CSMD1: variants seen among roughly 807,000 people sequenced by gnomAD.
The protein encoded by CSMD1 is CUB and Sushi multiple domains 1, also known as CUB and sushi domain-containing protein 1.
Under a neutral mutation model 417.5 loss-of-function variants are expected in CSMD1, and 213 were observed. The ratio of observed to expected loss-of-function variants is 0.51; its 90% CI spans 0.46 to 0.57. The LOEUF (loss-of-function observed/expected upper bound fraction) is 0.57, where lower values mean the gene tolerates loss of function less well. Ranked by LOEUF, CSMD1 falls within the 20% of genes least tolerant of loss-of-function variation. The pLI, the probability that CSMD1 is intolerant of heterozygous loss-of-function variation, is 0.00. For missense variants in CSMD1, 6,923 were observed against 4,529.7 expected (o/e 1.53, Z -15.17); for synonymous variants, 2,862 against 1,736.8 (o/e 1.65, Z -16.11).
chr8:4,382,110 T>A (rs1051586677), intron 3 of CSMD1, among the ~76,000 whole-genome samples: 1 of 152,182 alleles, frequency 6.6e-6, no homozygotes, highest in Non-Finnish European at 1.5e-5. Flanking sequence ...GTAATTAATA[T>A]AGAATGCACT....
intron 26 of CSMD1, among the ~76,000 whole-genome samples, chr8:3,271,319 A>C (rs948072964): frequency 1.3e-5 from 2 of 151,878 alleles, no homozygotes; most frequent in African/African-American, 4.8e-5. Flanking sequence ...TTCTTAATCC[A>C]GTCTATCATT....
At chr8:3,402,265 T>G (rs1490484953) in intron 15 of CSMD1, among the ~76,000 whole-genome samples, 1 of 152,184 alleles carries the variant, frequency 6.6e-6, no homozygotes, top group African/African-American at 2.4e-5. Context: ...TAATCTTTTT[T>G]TTCAATTCTT....
chr8:4,125,113 C>A (rs1259339671), intron 3 of CSMD1, among the ~76,000 whole-genome samples: 1 of 45,746 alleles, frequency 2.2e-5, no homozygotes, highest in African/African-American at 7.4e-5. Flanking sequence ...ACCAGGAACA[C>A]TTCCATCGAG....
At position 3,369,382 on chromosome 8, in the gene CSMD1, A is replaced by G; in HGVS notation, c.2783-12T>C. ...GCCTCCACATAGAGCTTAAAATAAT[A>G]AAGAGAGATGATTACAGCACTAAAG... On this transcript the variant is annotated splice_polypyrimidine_tract_variant and intron_variant, in intron 18 of 69. Coordinates refer to ENST00000635120, the MANE Select transcript of CSMD1 (RefSeq NM_033225.6). 3 of 1,297,494 alleles carry G rather than the reference A, an allele frequency of 2.3e-6. No individual in the cohort carries two copies. Among genetic ancestry groups the G allele is most frequent in the South Asian group, 2.4e-5 (2 of 81,792 alleles). 80.4% of individuals were successfully genotyped at this position (1,297,494 alleles called of 1,614,324 possible). A position where few individuals can be genotyped will look rare whatever the true frequency, so the allele number is the denominator to read the frequency against.
intron 3 of CSMD1, among the ~76,000 whole-genome samples, chr8:4,076,642 T>G (rs1001075003): frequency 2.6e-5 from 4 of 152,204 alleles, no homozygotes; most frequent in African/African-American, 9.6e-5. Context: ...TTATAAGGAT[T>G]ATTCTCTAAC....
chr8:3,212,103 G>A (rs1003334230), intron 30 of CSMD1, among the ~76,000 whole-genome samples: 1 of 152,138 alleles, frequency 6.6e-6, no homozygotes, highest in Non-Finnish European at 1.5e-5. Context: ...CTAGATCAAA[G>A]GCTCTCTTTA....
rs545372242 is a variant in CSMD1, at chr8:3,323,567, G to C, written c.3632-15064C>G. 3.9e-5 allele frequency among the ~76,000 whole-genome samples: 6 copies of C among 152,208 alleles called. No individual in the cohort carries two copies. The East Asian group carries it at 7.7e-4, about 20-fold the overall frequency. On this transcript the variant is annotated intron_variant, in intron 23 of 69. Transcript: ENST00000635120. ...AGAAAACTTTAAACACTCTCCAACAGTTAAAATACTCTTTGATTTTTTAAA... is the reference window on the plus strand; with the variant it reads ...AGAAAACTTTAAACACTCTCCAACACTTAAAATACTCTTTGATTTTTTAAA...
intron 16 of CSMD1, among the ~76,000 whole-genome samples, chr8:3,397,228 T>C (rs527897126): frequency 6.6e-6 from 1 of 152,172 alleles, no homozygotes; most frequent in Non-Finnish European, 1.5e-5. Context: ...GTCATAAGAC[T>C]CTGACTCACT....
intron 1 of CSMD1, among the ~76,000 whole-genome samples, chr8:4,868,128 T>C (rs1250304168): frequency 6.6e-6 from 1 of 152,122 alleles, no homozygotes; most frequent in Non-Finnish European, 1.5e-5. Flanking sequence ...TTGCCTTACC[T>C]GCAAAATTGA....
chr8:3,255,503 T>C (rs1192813422), intron 26 of CSMD1, among the ~76,000 whole-genome samples: 1 of 152,210 alleles, frequency 6.6e-6, no homozygotes, highest in Non-Finnish European at 1.5e-5. Flanking sequence ...CCTTGAGCTG[T>C]GGTGGGCTCC....
At position 3,240,941 on chromosome 8, in the gene CSMD1, C is replaced by G. The variant is rs530569739; in HGVS notation, c.4154-10710G>C. Among the ~76,000 whole-genome samples the G allele has an allele frequency of 6.6e-5, 10 of 151,962 alleles. No individual in the cohort carries two copies. In the South Asian group the frequency reaches 2.1e-3, roughly 32 times the overall value. On this transcript the variant is annotated intron_variant, in intron 26 of 69. Coordinates refer to ENST00000635120, the MANE Select transcript of CSMD1 (RefSeq NM_033225.6). ...ATAACAGGCTTTAATCCTTTTAAAG[C>G]ATGCTGTGGGATGGGATATTGGCAT...
intron 26 of CSMD1, 35 bp downstream of exon 26, chr8:3,284,109 A>G (rs750383317): frequency 1.1e-5 from 16 of 1,478,264 alleles, no homozygotes; most frequent in South Asian, 6.1e-5. Flanking sequence ...AGACTTTGAT[A>G]TCAAGGTAAA....
intron 3 of CSMD1, among the ~76,000 whole-genome samples, chr8:4,048,157 C>G (rs372443026): frequency 3.3e-5 from 5 of 152,116 alleles, no homozygotes; most frequent in Non-Finnish European, 7.4e-5. Context: ...TGAATGTACG[C>G]AGTCAGACTT....
rs75053677 is a variant in CSMD1, at chr8:4,977,116, A to G, written c.85+17216T>C. 7.0e-4 allele frequency among the ~76,000 whole-genome samples: 107 copies of G among 152,332 alleles called. No homozygotes were observed. In the East Asian group the frequency reaches 0.013, roughly 19 times the overall value. On this transcript the variant is annotated intron_variant, in intron 1 of 69. Coordinates refer to ENST00000635120, the MANE Select transcript of CSMD1 (RefSeq NM_033225.6). ...CTCAAGATGGAGCACATTTATATCAACAGCTGGCCTTAAAATGTTCCTATA... is the reference window on the plus strand; with the variant it reads ...CTCAAGATGGAGCACATTTATATCAGCAGCTGGCCTTAAAATGTTCCTATA...
intron 3 of CSMD1, among the ~76,000 whole-genome samples, chr8:4,322,988 A>T (rs1051678415): frequency 1.3e-5 from 2 of 152,250 alleles, no homozygotes; most frequent in Admixed American, 1.3e-4. Flanking sequence ...CCGTCTCAAA[A>T]AACTACACTA....
At chr8:4,666,197 C>G (rs1005947812) in intron 1 of CSMD1, among the ~76,000 whole-genome samples, 2 of 152,146 alleles carry the variant, frequency 1.3e-5, no homozygotes, top group African/African-American at 4.8e-5. Flanking sequence ...CTAAGTCCTA[C>G]TTCCTGGAAA....
Position 3,838,699 on chromosome 8 carries a change from T to TTA in CSMD1, c.819-84658_819-84657insTA, listed in dbSNP as rs1563132004. Among the ~76,000 whole-genome samples, 11 of 97,658 alleles carry TTA rather than the reference T, an allele frequency of 1.1e-4. 1 individual carries two copies. Among genetic ancestry groups the TTA allele is most frequent in the African/African-American group, 2.9e-4 (6 of 20,426 alleles). 64.1% of individuals were successfully genotyped at this position (97,658 alleles called of 152,430 possible). On this transcript the variant is annotated intron_variant, in intron 5 of 69. Transcript: ENST00000635120. ...ATTATATAGTATAATATATAATAAA[T>TTA]ATTATATAGTATAATATATAATAAA... is the stretch of plus-strand genomic sequence containing the variant.
intron 5 of CSMD1, among the ~76,000 whole-genome samples, chr8:3,792,218 A>C (rs1563084020): frequency 6.6e-6 from 1 of 151,808 alleles, no homozygotes; most frequent in Non-Finnish European, 1.5e-5. Context: ...GCTCAAGCCC[A>C]GGAGGGCGAG....
intron 37 of CSMD1, among the ~76,000 whole-genome samples, chr8:3,162,540 T>C (rs1457631141): frequency 1.3e-5 from 2 of 152,152 alleles, no homozygotes; most frequent in Non-Finnish European, 2.9e-5. Flanking sequence ...TACTTCCACA[T>C]TGAGTATAGA....
Sources: gnomAD v4.1 joint callset for allele counts (sites outside exome capture counted in the v4.1 genomes callset) on GRCh38, gnomAD v4.1.1 for gene constraint, MANE v1.5 for transcripts, NCBI Gene and HGNC (gene_info 2026-07-23, HGNC 2026-07-21) for gene names.